Variants in MIGA1 observed in about 807,000 individuals in gnomAD.
The protein encoded by MIGA1 is mitoguardin 1, also known as family with sequence similarity 73, member A.
Under a neutral mutation model 82.0 loss-of-function variants are expected in MIGA1, and 58 were observed. The observed-to-expected ratio is 0.71, with a 90% CI of 0.57 to 0.88. The LOEUF (loss-of-function observed/expected upper bound fraction) is 0.88, where lower values mean the gene tolerates loss of function less well. Among genes scored for constraint, MIGA1 ranks in the 40% least tolerant of loss-of-function variants. The pLI is 0.00. For missense variants in MIGA1, 751 were observed against 749.1 expected, an observed-to-expected ratio of 1.00 and a Z score of -0.03; for synonymous variants, 249 against 253.6, an observed-to-expected ratio of 0.98 and a Z score of 0.17.
chr1:77,822,209 T>C (rs1683842929), intron 7 of MIGA1, among the ~76,000 whole-genome samples: 1 of 152,212 alleles, frequency 6.6e-6, no homozygotes, highest in South Asian at 2.1e-4. Context: ...AAAAACACTT[T>C]GTTCAACCAG....
At chr1:77,869,921 C>T (rs1344979631) in intron 14 of MIGA1, among the ~76,000 whole-genome samples, 10 of 116,506 alleles carry the variant, frequency 8.6e-5, no homozygotes, top group Non-Finnish European at 1.6e-4. Context: ...GGGCTGACCC[C>T]GCCCACCTCC....
At chr1:77,805,735 C>A (rs1350626477) in intron 4 of MIGA1, among the ~76,000 whole-genome samples, 1 of 151,848 alleles carries the variant, frequency 6.6e-6, no homozygotes, top group Non-Finnish European at 1.5e-5. Flanking sequence ...GTTGGCTTGG[C>A]TGGTCTCGAA....
chr1:77,843,823 G>T (rs969705403), intron 8 of MIGA1, among the ~76,000 whole-genome samples: 1 of 152,012 alleles, frequency 6.6e-6, no homozygotes, highest in African/African-American at 2.4e-5. Flanking sequence ...TGTTGGCCAG[G>T]TGCAGTGGCT....
chr1:77,784,349 C>A (rs1025140370), intron 2 of MIGA1, among the ~76,000 whole-genome samples: 2 of 152,098 alleles, frequency 1.3e-5, no homozygotes, highest in South Asian at 4.2e-4. Flanking sequence ...TTCAGCCTCT[C>A]AAGTAGCTGG....
chr1:77,849,430 C>G (rs1176848723), intron 8 of MIGA1, among the ~76,000 whole-genome samples: 2 of 152,058 alleles, frequency 1.3e-5, no homozygotes, highest in Non-Finnish European at 2.9e-5. Flanking sequence ...TAATTTAACT[C>G]TTCTAATAAT....
At chr1:77,870,041 G>A (rs1685878502) in intron 14 of MIGA1, among the ~76,000 whole-genome samples, 1 of 122,020 alleles carries the variant, frequency 8.2e-6, no homozygotes, top group South Asian at 3.0e-4. Context: ...GGGGCGGCCG[G>A]GCAGAGGCGC....
chr1:77,804,250 A>G (rs907481688), intron 4 of MIGA1, among the ~76,000 whole-genome samples: 1 of 152,170 alleles, frequency 6.6e-6, no homozygotes, highest in Admixed American at 6.5e-5. Context: ...TCATTAATAC[A>G]GTATTGACTG....
At chr1:77,874,408 A>T (rs1646877691) in intron 15 of MIGA1, among the ~76,000 whole-genome samples, 1 of 152,136 alleles carries the variant, frequency 6.6e-6, no homozygotes. Flanking sequence ...TTTATTTAAA[A>T]CTATTACTGG....
At chr1:77,850,335 A>G (rs1314980767) in intron 8 of MIGA1, among the ~76,000 whole-genome samples, 2 of 152,196 alleles carry the variant, frequency 1.3e-5, no homozygotes, top group East Asian at 1.9e-4. Flanking sequence ...GCCCTATTCA[A>G]TGTGGGTTGG....
chr1:77,790,848 A>C (rs1423823769), intron 2 of MIGA1, among the ~76,000 whole-genome samples: 2 of 152,046 alleles, frequency 1.3e-5, no homozygotes, highest in Non-Finnish European at 2.9e-5. Flanking sequence ...TCAGCCTCCC[A>C]AAGTGCTGGG....
At chr1:77,848,025 C>A in intron 8 of MIGA1, 2 of 1,263,426 alleles carry the variant, frequency 1.6e-6, no homozygotes, top group Non-Finnish European at 2.3e-6. Flanking sequence ...AGAAAGAGGG[C>A]ACAGTGCCAG....
chr1:77,859,312 A>T lies in MIGA1; in HGVS notation c.1116-2A>T. 6.2e-7 allele frequency: 1 copy of T among 1,609,756 alleles called. No individual in the cohort carries two copies. The highest frequency in any genetic ancestry group is 8.5e-7 in the Non-Finnish European group (1 of 1,176,054). ...CAATTGTCTCCCCTGTTTATTACAT[A>T]GAACTGAAATGTTGGAGTGCCTAGG... is the stretch of plus-strand genomic sequence containing the variant. On this transcript the variant is annotated splice_acceptor_variant, in intron 9 of 15. Coordinates refer to ENST00000370791, the MANE Select transcript of MIGA1 (RefSeq NM_198549.4). LOFTEE classifies it high-confidence loss of function.
chr1:77,866,335 T>TA lies in MIGA1; in HGVS notation c.1510-2dup, dbSNP rs746387641. The TA allele has an allele frequency of 3.8e-4, 613 of 1,613,956 alleles. 1 individual carries two copies. The highest frequency in any genetic ancestry group is 4.8e-4 in the Non-Finnish European group (570 of 1,179,836). On this transcript the variant is annotated splice_polypyrimidine_tract_variant and splice_region_variant and intron_variant, in intron 13 of 15. Transcript: ENST00000370791. ...AATCTTTCTTTTCTCTGCATGTATT[T>TA]AGGCTGTGGCTTCAAGTTGTTGGTC...
rs906583971 is a variant in MIGA1 at position 77,875,940 on chromosome 1, C to T, written c.*876C>T. On this transcript the variant is annotated 3_prime_UTR_variant, in exon 16 of 16. Transcript: ENST00000370791. Reference sequence around the variant, plus strand: ...CTGAGGTCAGGTGTTCGAGACCAGCCTCCCCAATATGGTGAAACCCCGTCT... The same window carrying T: ...CTGAGGTCAGGTGTTCGAGACCAGCTTCCCCAATATGGTGAAACCCCGTCT... 1.3e-5 allele frequency: 2 copies of T among 152,106 alleles called. No homozygotes were observed. The highest frequency in any genetic ancestry group is 2.9e-5 in the Non-Finnish European group (2 of 68,056). The allele number at this position is 152,106 out of a possible 1,614,324, so 9.4% of individuals were successfully genotyped here. A position where few individuals can be genotyped will look rare whatever the true frequency, so the allele number is the denominator to read the frequency against.
intron 2 of MIGA1, among the ~76,000 whole-genome samples, chr1:77,798,719 A>T (rs1170934018): frequency 1.3e-5 from 2 of 152,210 alleles, no homozygotes; most frequent in Non-Finnish European, 2.9e-5. Flanking sequence ...TTTATGGCTT[A>T]CAAAGATACT....
intron 5 of MIGA1, chr1:77,811,826 C>T (rs1261460609): frequency 4.2e-6 from 6 of 1,418,826 alleles, no homozygotes; most frequent in Non-Finnish European, 5.7e-6. Flanking sequence ...CCCAGCAAGG[C>T]CGGGTTCTAG....
chr1:77,857,723 G>C lies in MIGA1; in HGVS notation c.997-1215G>C, dbSNP rs185463727. ...AAGTTTTCTAGAAGTTTTCTGGGTT[G>C]TTGTTTTTTTTTTTTTTTTTGCTTA... On this transcript the variant is annotated intron_variant, in intron 8 of 15. Coordinates refer to ENST00000370791, the MANE Select transcript of MIGA1 (RefSeq NM_198549.4). 3.4e-4 allele frequency among the ~76,000 whole-genome samples: 38 copies of C among 112,960 alleles called. 1 individual carries two copies. Among genetic ancestry groups the C allele is most frequent in the Admixed American group, 1.8e-3 (20 of 11,222 alleles). 74.1% of individuals were successfully genotyped at this position (112,960 alleles called of 152,430 possible).
At chr1:77,821,924 T>A (rs559272333) in intron 7 of MIGA1, among the ~76,000 whole-genome samples, 1 of 152,330 alleles carries the variant, frequency 6.6e-6, no homozygotes, top group East Asian at 1.9e-4. Context: ...CTTCAGTTAT[T>A]CAAGATGAAT....
At chr1:77,781,800 G>T (rs1681928944) in intron 1 of MIGA1, among the ~76,000 whole-genome samples, 1 of 152,194 alleles carries the variant, frequency 6.6e-6, no homozygotes, top group African/African-American at 2.4e-5. Context: ...GGAAGCATCA[G>T]TAGTAGTAAC....
Sources: gnomAD v4.1 joint callset for allele counts (sites outside exome capture counted in the v4.1 genomes callset) on GRCh38, gnomAD v4.1.1 for gene constraint, MANE v1.5 for transcripts, NCBI Gene and HGNC (gene_info 2026-07-23, HGNC 2026-07-21) for gene names.